The following ELOVL6 variants were observed in gnomAD, a reference collection of about 807,000 sequenced individuals.
ELOVL6 encodes ELOVL fatty acid elongase 6, also known as very long chain fatty acid elongase 6.
In ELOVL6, 8 loss-of-function variants were observed where a neutral mutation model predicts 31.7. The observed-to-expected ratio is 0.25, with a 90% CI of 0.15 to 0.45. ELOVL6 has a LOEUF of 0.45. Ranked by LOEUF, ELOVL6 falls within the 20% of genes least tolerant of loss-of-function variation. The pLI is 1.00. For missense variants in ELOVL6, 126 were observed against 326.4 expected (o/e 0.39, Z 4.73); for synonymous variants, 101 against 117.7 (o/e 0.86, Z 0.92).
chr4:110,147,825 G>A (rs529451899), intron 1 of ELOVL6, among the ~76,000 whole-genome samples: 57 of 145,140 alleles, frequency 3.9e-4, no homozygotes, highest in South Asian at 3.5e-3. Flanking sequence ...ACACGTGCAC[G>A]CCAAAAAGGC....
intron 1 of ELOVL6, among the ~76,000 whole-genome samples, chr4:110,174,479 A>T (rs1430428104): frequency 6.6e-6 from 1 of 152,062 alleles, no homozygotes; most frequent in African/African-American, 2.4e-5. Context: ...AGGCATTTTA[A>T]ATATATATTC....
At chr4:110,122,617 A>G (rs968133332) in intron 1 of ELOVL6, among the ~76,000 whole-genome samples, 9 of 152,138 alleles carry the variant, frequency 5.9e-5, no homozygotes, top group Non-Finnish European at 1.2e-4. Flanking sequence ...AGCTCAAGCA[A>G]TCCACCCACC....
chr4:110,124,402 G>A (rs1240124601), intron 1 of ELOVL6, among the ~76,000 whole-genome samples: 1 of 152,154 alleles, frequency 6.6e-6, no homozygotes. Flanking sequence ...CATGTCCTTT[G>A]CAGGGACATG....
intron 1 of ELOVL6, among the ~76,000 whole-genome samples, chr4:110,143,916 A>T (rs569603877): frequency 6.6e-6 from 1 of 152,094 alleles, no homozygotes; most frequent in African/African-American, 2.4e-5. Context: ...TTAGCCAGGC[A>T]TAGTGGCAAT....
At position 110,046,881 on chromosome 4, in the gene ELOVL6, T is replaced by C. The variant is rs1754709140; in HGVS notation, c.*4457A>G. On this transcript the variant is annotated 3_prime_UTR_variant, in exon 4 of 4. Transcript: ENST00000302274. ...TTTCATCAGCTCTCACTTTAATGTG[T>C]ATACACTACTGGCCAAATGTGGTGG... The C allele has an allele frequency of 6.6e-6, 1 of 152,236 alleles. No homozygotes were observed. The highest frequency in any genetic ancestry group is 2.4e-5 in the African/African-American group (1 of 41,460). 9.4% of individuals were successfully genotyped at this position (152,236 alleles called of 1,614,324 possible). A position where few individuals can be genotyped will look rare whatever the true frequency, so the allele number is the denominator to read the frequency against.
At chr4:110,196,807 G>A (rs1254190509) in intron 1 of ELOVL6, among the ~76,000 whole-genome samples, 1 of 152,034 alleles carries the variant, frequency 6.6e-6, no homozygotes, top group Non-Finnish European at 1.5e-5. Flanking sequence ...GGCGGGCTCC[G>A]CCCGGCAGCC....
At chr4:110,058,676 G>T (rs1486793101) in intron 3 of ELOVL6, among the ~76,000 whole-genome samples, 1 of 152,154 alleles carries the variant, frequency 6.6e-6, no homozygotes, top group Non-Finnish European at 1.5e-5. Flanking sequence ...ATACATATTA[G>T]GTTGGTGCAA....
chr4:110,107,166 G>A (rs898676354), intron 1 of ELOVL6, among the ~76,000 whole-genome samples: 1 of 152,144 alleles, frequency 6.6e-6, no homozygotes, highest in African/African-American at 2.4e-5. Context: ...ATTTACACAA[G>A]CAGCTTTCCT....
At chr4:110,074,296 C>T (rs188826724) in intron 2 of ELOVL6, among the ~76,000 whole-genome samples, 2 of 152,216 alleles carry the variant, frequency 1.3e-5, no homozygotes, top group African/African-American at 4.8e-5. Flanking sequence ...AGTTGTTATA[C>T]AGTATTTTAA....
At chr4:110,081,239 C>A (rs916903114) in intron 2 of ELOVL6, among the ~76,000 whole-genome samples, 11 of 152,278 alleles carry the variant, frequency 7.2e-5, no homozygotes, top group South Asian at 2.1e-4. Flanking sequence ...TTGGAAAAAA[C>A]CACTTTAAAG....
At chr4:110,058,989 T>TA (rs941660837) in intron 3 of ELOVL6, among the ~76,000 whole-genome samples, 9 of 152,222 alleles carry the variant, frequency 5.9e-5, no homozygotes, top group African/African-American at 2.2e-4. Flanking sequence ...GTGCCACACT[T>TA]ACATTCAAGA....
intron 1 of ELOVL6, among the ~76,000 whole-genome samples, chr4:110,189,989 A>G (rs1759566637): frequency 6.6e-6 from 1 of 151,606 alleles, no homozygotes; most frequent in African/African-American, 2.4e-5. Flanking sequence ...AAATTGGATT[A>G]TAAACCTCAT....
intron 2 of ELOVL6, among the ~76,000 whole-genome samples, chr4:110,078,223 C>T (rs920055304): frequency 6.6e-6 from 1 of 152,122 alleles, no homozygotes; most frequent in Non-Finnish European, 1.5e-5. Context: ...CATTCATATT[C>T]AGGAAATACA....
chr4:110,127,886 C>T (rs571817431), intron 1 of ELOVL6, among the ~76,000 whole-genome samples: 1 of 151,932 alleles, frequency 6.6e-6, no homozygotes, highest in Non-Finnish European at 1.5e-5. Context: ...GGAAAACAGA[C>T]AAGTAATCAG....
At chr4:110,166,993 G>C (rs1758797453) in intron 1 of ELOVL6, among the ~76,000 whole-genome samples, 1 of 152,198 alleles carries the variant, frequency 6.6e-6, no homozygotes, top group Admixed American at 6.5e-5. Context: ...CAGAGGGTCT[G>C]TCTGTCTGCC....
intron 1 of ELOVL6, among the ~76,000 whole-genome samples, chr4:110,183,139 A>C (rs932519586): frequency 3.9e-5 from 6 of 152,122 alleles, no homozygotes; most frequent in African/African-American, 1.4e-4. Context: ...ACAAACAAAA[A>C]AACACCCAAA....
chr4:110,142,989 T>G (rs1758006278), intron 1 of ELOVL6, among the ~76,000 whole-genome samples: 1 of 152,192 alleles, frequency 6.6e-6, no homozygotes, highest in Non-Finnish European at 1.5e-5. Context: ...CTTTGCTTAC[T>G]TCCACAGATC....
In ELOVL6 at chr4:110,084,561, C is replaced by CTTTATATATATTT. The variant is rs1560815762; in HGVS notation, c.221+20935_221+20936insAAATATATATAAA. On this transcript the variant is annotated intron_variant, in intron 2 of 3. Transcript: ENST00000302274. Reference sequence around the variant, plus strand: ...ACACACACACACACACACACACACACAGATATATATATATATATATATATA... The same window carrying CTTTATATATATTT: ...ACACACACACACACACACACACACACTTTATATATATTTAGATATATATATATATATATATATA... Among the ~76,000 whole-genome samples the CTTTATATATATTT allele has an allele frequency of 6.5e-5, 4 of 61,188 alleles. 1 individual carries two copies. Among genetic ancestry groups the CTTTATATATATTT allele is most frequent in the African/African-American group, 3.5e-4 (4 of 11,396 alleles). 40.1% of individuals were successfully genotyped at this position (61,188 alleles called of 152,430 possible).
chr4:110,074,227 T>A (rs1057097237), intron 2 of ELOVL6, among the ~76,000 whole-genome samples: 8 of 152,226 alleles, frequency 5.3e-5, no homozygotes, highest in Admixed American at 2.0e-4. Flanking sequence ...CATCTTCCCA[T>A]ATACTTTAAA....
Sources: allele counts gnomAD v4.1 joint callset (sites outside exome capture counted in the v4.1 genomes callset), GRCh38; gene constraint gnomAD v4.1.1; transcripts MANE v1.5; gene names NCBI Gene and HGNC (gene_info 2026-07-23, HGNC 2026-07-21).